ATP6V0E1: variants seen among roughly 807,000 people sequenced by gnomAD.
The protein encoded by ATP6V0E1 is V-type proton ATPase subunit e 1.
A neutral mutation model predicts 11.6 loss-of-function variants in ATP6V0E1; 4 were observed. That is an observed-to-expected ratio of 0.35 (90% CI 0.17 to 0.79). The LOEUF (loss-of-function observed/expected upper bound fraction) is 0.79. Among genes scored for constraint, ATP6V0E1 ranks in the 30% least tolerant of loss-of-function variants. ATP6V0E1 has a pLI of 0.54. For missense variants in ATP6V0E1, 105 were observed against 100.0 expected (o/e 1.05, Z -0.21); for synonymous variants, 36 against 34.8 (o/e 1.04, Z -0.13).
chr5:172,997,061 C>T (rs769292271), intron 2 of ATP6V0E1, among the ~76,000 whole-genome samples: 9 of 151,260 alleles, frequency 6.0e-5, no homozygotes, highest in Non-Finnish European at 1.0e-4. Flanking sequence ...AAACCTATAT[C>T]GCAGTTTAAA....
chr5:173,016,641 A>G (rs1451187292), intron 2 of ATP6V0E1, among the ~76,000 whole-genome samples: 3 of 152,136 alleles, frequency 2.0e-5, no homozygotes, highest in Admixed American at 6.6e-5. Flanking sequence ...GTCTCTTACG[A>G]AAGTGTTTTT....
At chr5:173,028,800 A>T (rs1756599576) in intron 3 of ATP6V0E1, among the ~76,000 whole-genome samples, 1 of 152,188 alleles carries the variant, frequency 6.6e-6, no homozygotes, top group Non-Finnish European at 1.5e-5. Context: ...TGCTTCCCTT[A>T]GATTCCTGAG....
chr5:172,990,805 C>A (rs566313361), intron 1 of ATP6V0E1, among the ~76,000 whole-genome samples: 3 of 146,644 alleles, frequency 2.0e-5, no homozygotes, highest in African/African-American at 7.6e-5. Flanking sequence ...CCAGCCTGGA[C>A]GACAGAGCGA....
At chr5:173,010,568 T>G (rs1756306185) in intron 2 of ATP6V0E1, among the ~76,000 whole-genome samples, 1 of 152,250 alleles carries the variant, frequency 6.6e-6, no homozygotes, top group Admixed American at 6.5e-5. Context: ...GAATCCCATG[T>G]TTTCTAGGAG....
intron 2 of ATP6V0E1, among the ~76,000 whole-genome samples, chr5:173,010,335 A>G (rs575164386): frequency 1.3e-5 from 2 of 152,330 alleles, no homozygotes; most frequent in African/African-American, 4.8e-5. Context: ...TCTTACAGAG[A>G]AAGAGAAGAA....
At chr5:172,994,189 A>G (rs1756028076) in intron 1 of ATP6V0E1, among the ~76,000 whole-genome samples, 1 of 152,294 alleles carries the variant, frequency 6.6e-6, no homozygotes, top group South Asian at 2.1e-4. Context: ...CAGAGAAGGC[A>G]TGGACAAAAG....
intron 2 of ATP6V0E1, among the ~76,000 whole-genome samples, chr5:173,019,284 G>A (rs1756445850): frequency 6.6e-6 from 1 of 152,120 alleles, no homozygotes; most frequent in Non-Finnish European, 1.5e-5. Flanking sequence ...GGCTGGGCGA[G>A]GTGGCTCACG....
At position 172,983,867 on chromosome 5, in the gene ATP6V0E1, T is replaced by A; in HGVS notation, c.7T>A (p.Tyr3Asn). 3 of 1,613,740 alleles carry A rather than the reference T, an allele frequency of 1.9e-6. No homozygotes were observed. The highest frequency in any genetic ancestry group is 1.1e-5 in the South Asian group (1 of 91,070). The change falls in exon 1 of 4, where the codon TAT (tyrosine) becomes AAT (asparagine). Residue 3 changes from tyrosine to asparagine, a missense_variant. Physicochemically the swap from Tyr to Asn is moderately radical, Grantham distance 143. Coordinates refer to ENST00000519374, the MANE Select transcript of ATP6V0E1 (RefSeq NM_003945.4). MAYHGLTVPLIVM... is the reference protein window; with the variant it reads MANHGLTVPLIVM... ...TGGCGCTCAGGCGGCGACCATGGCG[T>A]ATCACGGCCTCACTGTGCCTCTCAT...
chr5:172,983,833 G>GGTA lies in ATP6V0E1; in HGVS notation c.-26_-24dup, dbSNP rs1755839339. 1.9e-6 allele frequency: 3 copies of GGTA among 1,605,598 alleles called. No individual in the cohort carries two copies. In the Admixed American group the frequency reaches 5.0e-5, roughly 27 times the overall value. On this transcript the variant is annotated 5_prime_UTR_variant, in exon 1 of 4. Transcript: ENST00000519374. ...TGGTGGGATCCGAGTGAGGCGACGG[G>GGTA]GTAGGGGTTGGCGCTCAGGCGGCGA...
chr5:173,030,347 T>C (rs898258458), intron 3 of ATP6V0E1, among the ~76,000 whole-genome samples: 10 of 152,138 alleles, frequency 6.6e-5, no homozygotes, highest in African/African-American at 2.4e-4. Flanking sequence ...AAGCCTAATA[T>C]ATCGTTTAAG....
chr5:173,015,539 GGCCCGTGATGTAATCAATCAT>G lies in ATP6V0E1; in HGVS notation c.153-4695_153-4675del, dbSNP rs11276343. ...GCTGAACCTTAAACTGATCACCAAT[GGCCCGTGATGTAATCAATCAT>G]GCCTACACAATGAAGCTTCCATAAA... is the stretch of plus-strand genomic sequence containing the variant. On this transcript the variant is annotated intron_variant, in intron 2 of 3. Transcript: ENST00000519374. Among the ~76,000 whole-genome samples, 1,312 of 152,168 alleles carry G rather than the reference GGCCCGTGATGTAATCAATCAT, an allele frequency of 8.6e-3. 15 individuals are homozygous for G. The highest frequency in any genetic ancestry group is 0.03 in the African/African-American group (1,251 of 41,508).
intron 2 of ATP6V0E1, among the ~76,000 whole-genome samples, chr5:173,014,466 T>C (rs1756374194): frequency 6.6e-6 from 1 of 152,152 alleles, no homozygotes; most frequent in South Asian, 2.1e-4. Context: ...AGAGAATCAA[T>C]CTAAGTGTCT....
intron 3 of ATP6V0E1, among the ~76,000 whole-genome samples, chr5:173,023,216 CAG>C (rs745863389): frequency 2.3e-4 from 35 of 151,844 alleles, no homozygotes; most frequent in Non-Finnish European, 4.0e-4. Flanking sequence ...CATTTTGAGA[CAG>C]AGTCTTGCTC....
At chr5:173,006,198 A>G (rs182421994) in intron 2 of ATP6V0E1, among the ~76,000 whole-genome samples, 4 of 152,246 alleles carry the variant, frequency 2.6e-5, no homozygotes, top group East Asian at 1.9e-4. Flanking sequence ...ATCACCAGCT[A>G]TGATTGTGGA....
intron 1 of ATP6V0E1, among the ~76,000 whole-genome samples, chr5:172,985,340 A>G (rs1561766199): frequency 6.6e-6 from 1 of 150,632 alleles, no homozygotes. Context: ...CATTTGCTTT[A>G]TTAGTCTAAA....
chr5:173,009,506 G>A (rs1756284338), intron 2 of ATP6V0E1, among the ~76,000 whole-genome samples: 2 of 135,906 alleles, frequency 1.5e-5, no homozygotes, highest in South Asian at 2.4e-4. Context: ...CTATCATCCA[G>A]GTGGCTGGAG....
At chr5:172,984,923 A>G (rs58236263) in intron 1 of ATP6V0E1, among the ~76,000 whole-genome samples, 8,010 of 152,270 alleles carry the variant, frequency 0.053, 263 homozygotes, top group South Asian at 0.14. Flanking sequence ...ATACCTGTTG[A>G]GTGAATAGTT....
rs766633080 is a variant in ATP6V0E1 at position 173,035,167 on chromosome 5, A to G, written c.*805A>G. On this transcript the variant is annotated 3_prime_UTR_variant, in exon 4 of 4. Transcript: ENST00000519374. Reference sequence around the variant, plus strand: ...ATTTGGAGAGATAAGGTTAGTATACATAGAACTGTAATATAAGGTTGTGTT... The same window carrying G: ...ATTTGGAGAGATAAGGTTAGTATACGTAGAACTGTAATATAAGGTTGTGTT... The G allele has an allele frequency of 1.3e-5, 2 of 152,254 alleles. No homozygotes were observed. The highest frequency in any genetic ancestry group is 2.9e-5 in the Non-Finnish European group (2 of 68,084). The allele number at this position is 152,254 out of a possible 1,614,324, so 9.4% of individuals were successfully genotyped here.
intron 1 of ATP6V0E1, 60 bp from the exon 2 acceptor site, chr5:172,994,715 T>C (rs1756033841): frequency 1.5e-6 from 2 of 1,357,480 alleles, no homozygotes; most frequent in African/African-American, 1.5e-5. Context: ...TAAACCATTC[T>C]GTGATGTTTG....
Sources: allele counts gnomAD v4.1 joint callset (sites outside exome capture counted in the v4.1 genomes callset), GRCh38; gene constraint gnomAD v4.1.1; transcripts MANE v1.5; gene names NCBI Gene and HGNC (gene_info 2026-07-23, HGNC 2026-07-21).